CDC42BPA: variants seen among roughly 807,000 people sequenced by gnomAD.
CDC42BPA encodes serine/threonine-protein kinase MRCK alpha.
A neutral mutation model predicts 223.5 loss-of-function variants in CDC42BPA; 80 were observed. That is an observed-to-expected ratio of 0.36 (90% CI 0.30 to 0.43). CDC42BPA has a LOEUF of 0.43. Ranked by LOEUF, CDC42BPA falls within the 20% of genes least tolerant of loss-of-function variation. The pLI, the probability that CDC42BPA is intolerant of heterozygous loss-of-function variation, is 1.00. For missense variants in CDC42BPA, 1,743 were observed against 2,099.9 expected, an observed-to-expected ratio of 0.83 and a Z score of 3.32; for synonymous variants, 694 against 718.6, an observed-to-expected ratio of 0.97 and a Z score of 0.55.
intron 2 of CDC42BPA, among the ~76,000 whole-genome samples, chr1:227,215,430 A>G (rs1257139259): frequency 6.6e-6 from 1 of 152,136 alleles, no homozygotes; most frequent in African/African-American, 2.4e-5. Flanking sequence ...TACTTATATC[A>G]TTGTGGTAAA....
chr1:227,019,835 A>G (rs1385942751), intron 32 of CDC42BPA, among the ~76,000 whole-genome samples: 1 of 152,136 alleles, frequency 6.6e-6, no homozygotes, highest in Non-Finnish European at 1.5e-5. Flanking sequence ...CTGTAAACAG[A>G]TGTGTTGCCA....
intron 1 of CDC42BPA, among the ~76,000 whole-genome samples, chr1:227,278,928 C>T (rs950081701): frequency 6.6e-6 from 1 of 151,836 alleles, no homozygotes; most frequent in Non-Finnish European, 1.5e-5. Context: ...TTTAGAGAAG[C>T]AGAAGTTACA....
Position 227,115,396 on chromosome 1 carries a change from C to T in CDC42BPA, c.1648-2483G>A, listed in dbSNP as rs139982882. Among the ~76,000 whole-genome samples, 515 of 151,886 alleles carry T rather than the reference C, an allele frequency of 3.4e-3. 4 individuals are homozygous for T. The highest frequency in any genetic ancestry group is 0.012 in the African/African-American group (484 of 41,448). On this transcript the variant is annotated intron_variant, in intron 12 of 36. Coordinates refer to ENST00000366766, the MANE Select transcript of CDC42BPA (RefSeq NM_001394014.1). ...ATATTATCCTAAACTTTTGTGCCTTCTATAAGAGAGTCTCAAAATCATTAA... is the reference window on the plus strand; with the variant it reads ...ATATTATCCTAAACTTTTGTGCCTTTTATAAGAGAGTCTCAAAATCATTAA...
chr1:227,297,999 CATAT>C (rs1308938307), intron 1 of CDC42BPA, among the ~76,000 whole-genome samples: 1 of 142,232 alleles, frequency 7.0e-6, no homozygotes, highest in Non-Finnish European at 1.5e-5. Flanking sequence ...CATATATATA[CATAT>C]ATATACATAA....
At chr1:227,198,762 T>G (rs201281699) in intron 4 of CDC42BPA, among the ~76,000 whole-genome samples, 55,637 of 150,464 alleles carry the variant, frequency 0.37, 10,370 homozygotes, top group African/African-American at 0.39. Context: ...TAAATGTGTT[T>G]TTTTTTTTTT....
chr1:227,288,131 G>A (rs1689090529), intron 1 of CDC42BPA, among the ~76,000 whole-genome samples: 1 of 152,164 alleles, frequency 6.6e-6, no homozygotes, highest in Non-Finnish European at 1.5e-5. Flanking sequence ...CTAACATGGG[G>A]ATGGTCTGTG....
At chr1:227,281,487 T>G (rs1404081204) in intron 1 of CDC42BPA, among the ~76,000 whole-genome samples, 1 of 152,090 alleles carries the variant, frequency 6.6e-6, no homozygotes. Context: ...CATGGTCCAG[T>G]AGACATGAGG....
chr1:227,041,598 C>T (rs1238699302), intron 23 of CDC42BPA, among the ~76,000 whole-genome samples: 6 of 151,978 alleles, frequency 3.9e-5, no homozygotes, highest in African/African-American at 1.5e-4. Context: ...ATGATTTGTA[C>T]ACTACAAAAG....
At chr1:226,996,257 C>T (rs553464417) in intron 35 of CDC42BPA, among the ~76,000 whole-genome samples, 35 of 152,362 alleles carry the variant, frequency 2.3e-4, no homozygotes, top group African/African-American at 8.4e-4. Flanking sequence ...TATCCCAGAA[C>T]AATTTGCAGA....
chr1:227,317,067 T>C lies in CDC42BPA; in HGVS notation c.116A>G (p.Tyr39Cys), dbSNP rs1322819084. ...ETLLDILICL[Y>C]DECNNSPLRR... ...CAATGGAGAATTATTGCATTCATCA[T>C]AAAGGCAGATGAGTATATCCAGTAA... Residue 39 changes from tyrosine to cysteine, a missense_variant, in exon 1 of 37, where the codon TAT (tyrosine) becomes TGT (cysteine). Tyr to Cys is a radical substitution (Grantham distance 194, BLOSUM62 -2). Coordinates refer to ENST00000366766, the MANE Select transcript of CDC42BPA (RefSeq NM_001394014.1). The C allele has an allele frequency of 1.2e-6, 2 of 1,613,544 alleles. No homozygotes were observed. Among genetic ancestry groups the C allele is most frequent in the Non-Finnish European group, 1.7e-6 (2 of 1,179,574 alleles).
chr1:227,220,402 G>A (rs955582129), intron 2 of CDC42BPA, among the ~76,000 whole-genome samples: 3 of 145,688 alleles, frequency 2.1e-5, no homozygotes, highest in South Asian at 2.2e-4. Context: ...ATATATATAA[G>A]AATATATATA....
intron 1 of CDC42BPA, among the ~76,000 whole-genome samples, chr1:227,269,914 G>A (rs1257361196): frequency 6.6e-6 from 1 of 152,094 alleles, no homozygotes; most frequent in East Asian, 1.9e-4. Context: ...ATATTATATT[G>A]CAGTAACTAA....
intron 17 of CDC42BPA, among the ~76,000 whole-genome samples, chr1:227,078,648 AAG>A (rs910788906): frequency 6.6e-6 from 1 of 152,172 alleles, no homozygotes; most frequent in South Asian, 2.1e-4. Context: ...TTCATAGCAA[AAG>A]AGAGAGGAGG....
intron 22 of CDC42BPA, among the ~76,000 whole-genome samples, chr1:227,049,252 G>T (rs1250069865): frequency 7.0e-6 from 1 of 143,762 alleles, no homozygotes; most frequent in African/African-American, 2.6e-5. Context: ...TTAAGCAAGG[G>T]TGCTGGATAC....
At chr1:227,235,629 A>G (rs1378392614) in intron 2 of CDC42BPA, among the ~76,000 whole-genome samples, 5 of 152,132 alleles carry the variant, frequency 3.3e-5, no homozygotes, top group African/African-American at 4.8e-5. Flanking sequence ...ATAACTCCAA[A>G]CCTGGCTACC....
At chr1:227,030,283 T>C in intron 29 of CDC42BPA, 125 bp downstream of exon 29, 1 of 631,956 alleles carries the variant, frequency 1.6e-6, no homozygotes, top group Non-Finnish European at 2.8e-6. Flanking sequence ...TCAAATTAGG[T>C]CTGGAAAATT....
intron 1 of CDC42BPA, among the ~76,000 whole-genome samples, chr1:227,263,137 G>A (rs1684381215): frequency 6.6e-6 from 1 of 152,166 alleles, no homozygotes; most frequent in Non-Finnish European, 1.5e-5. Flanking sequence ...GGAGGCTGAG[G>A]CAAGAGAATC....
At chr1:227,189,277 C>G (rs1015026898) in intron 5 of CDC42BPA, among the ~76,000 whole-genome samples, 9 of 151,650 alleles carry the variant, frequency 5.9e-5, no homozygotes, top group African/African-American at 2.2e-4. Flanking sequence ...AAAATACTGC[C>G]CAAAGAAAGG....
chr1:227,164,982 T>C (rs1664777691), intron 5 of CDC42BPA, among the ~76,000 whole-genome samples: 1 of 152,090 alleles, frequency 6.6e-6, no homozygotes. Context: ...AGAGTGAGGG[T>C]TGGGATAAGA....
Sources: gnomAD v4.1 joint callset for allele counts (sites outside exome capture counted in the v4.1 genomes callset) on GRCh38, gnomAD v4.1.1 for gene constraint, MANE v1.5 for transcripts, NCBI Gene and HGNC (gene_info 2026-07-23, HGNC 2026-07-21) for gene names.